Variants in SRP14 observed in about 807,000 individuals in gnomAD.
SRP14 encodes the protein signal recognition particle 14 kDa protein.
SRP14 carries 1 observed loss-of-function variant against 16.0 expected under a neutral mutation model. The observed-to-expected ratio is 0.06, with a 90% CI of 0.02 to 0.30. The LOEUF (loss-of-function observed/expected upper bound fraction) is 0.30. Among genes scored for constraint, SRP14 ranks in the 10% least tolerant of loss-of-function variants. SRP14 has a pLI of 1.00. For missense variants in SRP14, 120 were observed against 163.1 expected, an observed-to-expected ratio of 0.74 and a Z score of 1.44; for synonymous variants, 67 against 60.1, an observed-to-expected ratio of 1.12 and a Z score of -0.53.
chr15:40,039,049 G>C lies in SRP14; in HGVS notation c.24+44C>G, dbSNP rs779837481. ...GCAGGAGGCACAGGTCTCGAGTAACGCCTGAGCCGCCCCCTTCCCTCGGCC... is the reference window on the plus strand; with the variant it reads ...GCAGGAGGCACAGGTCTCGAGTAACCCCTGAGCCGCCCCCTTCCCTCGGCC... On this transcript the variant is annotated intron_variant, in intron 1 of 4. Coordinates refer to ENST00000267884, the MANE Select transcript of SRP14 (RefSeq NM_003134.6). The C allele has an allele frequency of 6.8e-6, 11 of 1,607,008 alleles. No individual in the cohort carries two copies. The Admixed American group carries it at 1.0e-4, about 15-fold the overall frequency.
rs1157933916 is a variant in SRP14, at chr15:40,036,377, C to CGGCAGG, written c.366_367insCCTGCC (p.Thr122_Ala123insProAla). 3 of 1,612,506 alleles carry CGGCAGG rather than the reference C, an allele frequency of 1.9e-6. No individual in the cohort carries two copies. The highest frequency in any genetic ancestry group is 2.5e-6 in the Non-Finnish European group (3 of 1,179,514). ...GCTGTTGTTGCTGCTGTTGTTGGTG[C>CGGCAGG]TGTTGCTGCTGCGGCAGGTGCTGCT... On this transcript the variant is annotated inframe_insertion, in exon 5 of 5. Coordinates refer to ENST00000267884, the MANE Select transcript of SRP14 (RefSeq NM_003134.6).
In SRP14 at chr15:40,036,059, A is replaced by T; in HGVS notation, c.*274T>A. 2.0e-6 allele frequency: 1 copy of T among 489,748 alleles called. No homozygotes were observed. The highest frequency in any genetic ancestry group is 3.6e-6 in the Non-Finnish European group (1 of 281,592). 30.3% of individuals were successfully genotyped at this position (489,748 alleles called of 1,614,324 possible). A position where few individuals can be genotyped will look rare whatever the true frequency, so the allele number is the denominator to read the frequency against. ...ACAGTGCTGATAAACAGACATGTTT[A>T]ATGATAGCTTGCTCTTCACAGAGAT... On this transcript the variant is annotated 3_prime_UTR_variant, in exon 5 of 5. Transcript: ENST00000267884.
intron 3 of SRP14, chr15:40,037,244 C>A (rs1278808812): frequency 4.1e-6 from 5 of 1,219,160 alleles, no homozygotes; most frequent in Non-Finnish European, 4.1e-6. Context: ...ATGAGAATTG[C>A]ACCAAGAGGT....
chr15:40,036,027 T>C lies in SRP14; in HGVS notation c.*306A>G. ...CTATTAAAATGGGTTGGGAAAGGAATAAAGAGACAGTGCTGATAAACAGAC... is the reference window on the plus strand; with the variant it reads ...CTATTAAAATGGGTTGGGAAAGGAACAAAGAGACAGTGCTGATAAACAGAC... On this transcript the variant is annotated 3_prime_UTR_variant, in exon 5 of 5. Coordinates refer to ENST00000267884, the MANE Select transcript of SRP14 (RefSeq NM_003134.6). The C allele has an allele frequency of 2.6e-6, 1 of 384,638 alleles. No individual in the cohort carries two copies. The highest frequency in any genetic ancestry group is 4.6e-6 in the Non-Finnish European group (1 of 216,396). 23.8% of individuals were successfully genotyped at this position (384,638 alleles called of 1,614,324 possible).
intron 4 of SRP14, 73 bp downstream of exon 4, chr15:40,036,913 A>G: frequency 1.3e-6 from 2 of 1,543,782 alleles, no homozygotes; most frequent in East Asian, 2.2e-5. Flanking sequence ...CCAAGTATCA[A>G]TCTTACCCAG....
At chr15:40,037,279 G>GGGAAAA in intron 3 of SRP14, 1 of 740,790 alleles carries the variant, frequency 1.3e-6, no homozygotes, top group Non-Finnish European at 1.7e-6. Flanking sequence ...TCCTTTTGGG[G>GGGAAAA]AAAAAAAAAA....
chr15:40,036,645 G>T, intron 4 of SRP14, 145 bp from the exon 5 acceptor site: 1 of 805,972 alleles, frequency 1.2e-6, no homozygotes, highest in Non-Finnish European at 2.0e-6. Flanking sequence ...AATGGTATAA[G>T]CATAAAACAC....
At chr15:40,038,510 G>C (rs1048823111) in intron 2 of SRP14, 116 bp from the exon 3 acceptor site, 9 of 720,716 alleles carry the variant, frequency 1.2e-5, no homozygotes, top group Non-Finnish European at 2.2e-5. Context: ...CGCTGCTCTA[G>C]TTTTGTTAAA....
intron 3 of SRP14, chr15:40,037,272 T>A: frequency 2.0e-6 from 1 of 492,904 alleles, no homozygotes; most frequent in Non-Finnish European, 2.4e-6. Flanking sequence ...AGTAGGCTCC[T>A]TTTGGGGAAA....
At position 40,039,140 on chromosome 15, in the gene SRP14, C is replaced by A; in HGVS notation, c.-24G>T. Reference sequence around the variant, plus strand: ...ATCGCGGCGACGCTGGCTCGACTCCCTCCGCTTAAGCCCCTAGCAGTGAGA... The same window carrying A: ...ATCGCGGCGACGCTGGCTCGACTCCATCCGCTTAAGCCCCTAGCAGTGAGA... On this transcript the variant is annotated 5_prime_UTR_variant, in exon 1 of 5. The change creates a new upstream start codon in the 5' untranslated region. Transcript: ENST00000267884. 1.2e-6 allele frequency: 2 copies of A among 1,607,106 alleles called. No homozygotes were observed. Among genetic ancestry groups the A allele is most frequent in the Non-Finnish European group, 1.7e-6 (2 of 1,177,976 alleles).
intron 3 of SRP14, 41 bp downstream of exon 3, chr15:40,038,241 G>T (rs1384587749): frequency 6.7e-7 from 1 of 1,484,242 alleles, no homozygotes; most frequent in Non-Finnish European, 9.4e-7. Flanking sequence ...TTAAGTTCAA[G>T]TCTTTACATT....
chr15:40,038,428 C>A, intron 2 of SRP14, 34 bp from the exon 3 acceptor site: 1 of 1,453,886 alleles, frequency 6.9e-7, no homozygotes, highest in South Asian at 1.1e-5. Flanking sequence ...TGAACACGGC[C>A]GCGTACGTGG....
In SRP14 at chr15:40,039,147, T is replaced by A. The variant is rs766317964; in HGVS notation, c.-31A>T. The A allele has an allele frequency of 1.2e-5, 20 of 1,604,696 alleles. No homozygotes were observed. In the East Asian group the frequency reaches 3.4e-4, roughly 27 times the overall value. The stretch of plus-strand genomic sequence containing the variant: ...CGACGCTGGCTCGACTCCCTCCGCT[T>A]AAGCCCCTAGCAGTGAGAGCCGGAA... On this transcript the variant is annotated 5_prime_UTR_variant, in exon 1 of 5. Coordinates refer to ENST00000267884, the MANE Select transcript of SRP14 (RefSeq NM_003134.6).
chr15:40,038,693 G>A, intron 2 of SRP14, 183 bp downstream of exon 2: 1 of 660,292 alleles, frequency 1.5e-6, no homozygotes, highest in Non-Finnish European at 2.6e-6. Flanking sequence ...AACCTAGGCG[G>A]CTCAGTGCTG....
chr15:40,036,611 C>A, intron 4 of SRP14, 111 bp from the exon 5 acceptor site: 3 of 1,014,922 alleles, frequency 3.0e-6, no homozygotes, highest in South Asian at 1.5e-5. Context: ...AAGAATATAG[C>A]ACCATTGGAC....
rs1348709311 is a variant in SRP14, at chr15:40,038,339, G to A, written c.153C>T (p.Pro51=). The A allele has an allele frequency of 6.2e-7, 1 of 1,614,048 alleles. No homozygotes were observed. Among genetic ancestry groups the A allele is most frequent in the African/African-American group, 1.3e-5 (1 of 75,014 alleles). ...CTCTTAACAGACACTTGTTGTCTGC[G>A]GGCTCAAAGCCCTCCACAGTACCCT... The part of the protein sequence containing the change: ...PKKGTVEGFE[P]ADNKCLLRAT... The change falls in exon 3 of 5, where the codon CCC becomes CCT. Residue 51 remains proline, a synonymous_variant. Transcript: ENST00000267884.
At chr15:40,037,064 C>T (rs1187291388) in intron 3 of SRP14, 46 bp from the exon 4 acceptor site, 1 of 1,598,024 alleles carries the variant, frequency 6.3e-7, no homozygotes, top group Non-Finnish European at 8.5e-7. Flanking sequence ...TCCATATAAG[C>T]ATCCTCTTCT....
At chr15:40,037,356 C>T in intron 3 of SRP14, 2 of 1,285,058 alleles carry the variant, frequency 1.6e-6, no homozygotes, top group Non-Finnish European at 2.0e-6. Flanking sequence ...TCCCTGGGTT[C>T]TGAGAAAAGT....
chr15:40,039,144 G>C lies in SRP14; in HGVS notation c.-28C>G. 6.2e-7 allele frequency: 1 copy of C among 1,605,404 alleles called. No homozygotes were observed. The highest frequency in any genetic ancestry group is 8.5e-7 in the Non-Finnish European group (1 of 1,177,438). On this transcript the variant is annotated 5_prime_UTR_variant, in exon 1 of 5. Coordinates refer to ENST00000267884, the MANE Select transcript of SRP14 (RefSeq NM_003134.6). ...CGGCGACGCTGGCTCGACTCCCTCC[G>C]CTTAAGCCCCTAGCAGTGAGAGCCG...
Sources: allele counts gnomAD v4.1 joint callset, GRCh38; gene constraint gnomAD v4.1.1; transcripts MANE v1.5; gene names NCBI Gene and HGNC (gene_info 2026-07-23, HGNC 2026-07-21).